The following RNF17 variants were observed in gnomAD, a reference collection of about 807,000 sequenced individuals.
RNF17 encodes ring finger protein 17.
Under a neutral mutation model 200.5 loss-of-function variants are expected in RNF17, and 31 were observed. That is an observed-to-expected ratio of 0.15 (90% CI 0.12 to 0.21). The LOEUF (loss-of-function observed/expected upper bound fraction) is 0.21, where lower values mean the gene tolerates loss of function less well. Ranked by LOEUF, RNF17 falls within the 10% of genes least tolerant of loss-of-function variation. RNF17 has a pLI of 1.00. For synonymous variants in RNF17, 606 were observed against 637.8 expected (o/e 0.95, Z 0.75); for missense variants, 1,628 against 1,905.1 (o/e 0.85, Z 2.71).
At chr13:24,799,129 T>A (rs1422625655) in intron 11 of RNF17, among the ~76,000 whole-genome samples, 1 of 152,188 alleles carries the variant, frequency 6.6e-6, no homozygotes, top group African/African-American at 2.4e-5. Flanking sequence ...TCATCTTTGT[T>A]CTTATTGCTC....
In RNF17 at chr13:24,864,189, G is replaced by A. The variant is rs144807126; in HGVS notation, c.3976-684G>A. Among the ~76,000 whole-genome samples the A allele has an allele frequency of 9.2e-5, 14 of 152,308 alleles. No individual in the cohort carries two copies. In the East Asian group the frequency reaches 2.1e-3, roughly 23 times the overall value. On this transcript the variant is annotated intron_variant, in intron 28 of 35. Coordinates refer to ENST00000255324, the MANE Select transcript of RNF17 (RefSeq NM_031277.3). ...TTAGAGGACAGACCACACGGGTGCAGGGAGATGAGTGCTGAGGCAGGAGCA... is the reference window on the plus strand; with the variant it reads ...TTAGAGGACAGACCACACGGGTGCAAGGAGATGAGTGCTGAGGCAGGAGCA...
At chr13:24,839,317 A>G (rs1451064972) in intron 18 of RNF17, among the ~76,000 whole-genome samples, 1 of 152,144 alleles carries the variant, frequency 6.6e-6, no homozygotes, top group Non-Finnish European at 1.5e-5. Flanking sequence ...GCCAAAAGCA[A>G]TCTACAAATT....
chr13:24,763,542 A>G (rs1325865057), upstream of RNF17, among the ~76,000 whole-genome samples: 1 of 151,986 alleles, frequency 6.6e-6, no homozygotes, highest in Admixed American at 6.6e-5. Context: ...TACTGTCTCT[A>G]ACACAGGTCC....
At chr13:24,841,831 G>A (rs189739113) in intron 18 of RNF17, among the ~76,000 whole-genome samples, 1 of 152,012 alleles carries the variant, frequency 6.6e-6, no homozygotes, top group African/African-American at 2.4e-5. Flanking sequence ...GCGTGGTGGC[G>A]CGACAGTGTC....
At chr13:24,858,506 A>G (rs1002600533) in intron 25 of RNF17, among the ~76,000 whole-genome samples, 1 of 151,424 alleles carries the variant, frequency 6.6e-6, no homozygotes, top group Non-Finnish European at 1.5e-5. Flanking sequence ...ACCCAAGATC[A>G]CACAACTAAA....
the RNF17 span, chr13:24,885,285 AG>A: frequency 1.3e-6 from 2 of 1,598,262 alleles, no homozygotes; most frequent in Non-Finnish European, 1.7e-6. Context: ...CCTTTCCATC[AG>A]GATGACTGAT....
intron 16 of RNF17, among the ~76,000 whole-genome samples, chr13:24,828,646 CTG>C (rs1365246073): frequency 6.7e-6 from 1 of 149,114 alleles, no homozygotes; most frequent in African/African-American, 2.6e-5. Flanking sequence ...AATTCATACT[CTG>C]TGTAAATAAA....
At chr13:24,754,671 G>A in the RNF17 span, among the ~76,000 whole-genome samples, 3 of 152,008 alleles carry the variant, frequency 2.0e-5, no homozygotes, top group East Asian at 1.9e-4. Context: ...TGGGCAGATC[G>A]CTTGAGACCA....
chr13:24,764,386 G>T (rs1879238449), intron 1 of RNF17, 53 bp downstream of exon 1: 3 of 1,512,726 alleles, frequency 2.0e-6, no homozygotes, highest in Middle Eastern at 2.3e-4. Context: ...GGGAGCGCTG[G>T]GGGCCAGGTG....
intron 24 of RNF17, among the ~76,000 whole-genome samples, chr13:24,852,908 CATTGATTGATTG>C (rs3039519): frequency 2.0e-5 from 3 of 151,494 alleles, no homozygotes; most frequent in Admixed American, 1.3e-4. Context: ...GCTTTATTTC[CATTGATTGATTG>C]ATTGATTGAT....
chr13:24,851,594 T>C, intron 24 of RNF17, 23 bp downstream of exon 24: 1 of 1,492,962 alleles, frequency 6.7e-7, no homozygotes. Flanking sequence ...TTAAAAAATT[T>C]TGACATCAGT....
intron 23 of RNF17, among the ~76,000 whole-genome samples, chr13:24,850,743 G>A (rs982306987): frequency 6.6e-6 from 1 of 152,028 alleles, no homozygotes; most frequent in Admixed American, 6.6e-5. Flanking sequence ...CAGAATATAT[G>A]TTTTGTAGTT....
At chr13:24,881,937 C>CCTCT (rs1953850570), downstream of RNF17, among the ~76,000 whole-genome samples, 1 of 61,772 alleles carries the variant, frequency 1.6e-5, no homozygotes, top group Non-Finnish European at 4.1e-5. Flanking sequence ...TATATAGATA[C>CCTCT]ATCTATATAG....
chr13:24,794,454 A>G (rs932186645), intron 10 of RNF17, among the ~76,000 whole-genome samples: 4 of 152,152 alleles, frequency 2.6e-5, no homozygotes, highest in Non-Finnish European at 4.4e-5. Context: ...CACATGGATG[A>G]TTTGAGCTCA....
intron 15 of RNF17, among the ~76,000 whole-genome samples, chr13:24,819,226 C>G (rs1245739347): frequency 6.6e-6 from 1 of 152,144 alleles, no homozygotes; most frequent in South Asian, 2.1e-4. Context: ...AATATTACTT[C>G]TGCATTTTTA....
chr13:24,877,564 G>T (rs531783811), intron 34 of RNF17, among the ~76,000 whole-genome samples: 5 of 152,148 alleles, frequency 3.3e-5, no homozygotes, highest in Non-Finnish European at 5.9e-5. Flanking sequence ...TGGGGGAAGC[G>T]TAAGAAGAAA....
chr13:24,789,521 G>A, intron 8 of RNF17, 97 bp downstream of exon 8: 1 of 1,019,466 alleles, frequency 9.8e-7, no homozygotes. Context: ...TGAAATTTTG[G>A]GTCACAAATG....
chr13:24,754,763 G>C, the RNF17 span, among the ~76,000 whole-genome samples: 1 of 151,796 alleles, frequency 6.6e-6, no homozygotes, highest in Admixed American at 6.6e-5. Flanking sequence ...AGGTGTAGTG[G>C]CCTGTGCCTA....
chr13:24,883,273 G>A (rs760429340), downstream of RNF17: 8 of 1,613,640 alleles, frequency 5.0e-6, no homozygotes, highest in Admixed American at 1.7e-5. Flanking sequence ...TTGCATATAC[G>A]GTTTTAACAG....
Sources: allele counts gnomAD v4.1 joint callset (sites outside exome capture counted in the v4.1 genomes callset), GRCh38; gene constraint gnomAD v4.1.1; transcripts MANE v1.5; gene names NCBI Gene and HGNC (gene_info 2026-07-23, HGNC 2026-07-21).